The following GLRB variants were observed in gnomAD, a reference collection of about 807,000 sequenced individuals.
GLRB encodes glycine receptor subunit beta.
In GLRB, 33 loss-of-function variants were observed where a neutral mutation model predicts 54.2. The observed-to-expected ratio is 0.61, with a 90% CI of 0.46 to 0.81. The LOEUF (loss-of-function observed/expected upper bound fraction) is 0.81. Ranked by LOEUF, GLRB falls within the 40% of genes least tolerant of loss-of-function variation. GLRB has a pLI of 0.00. For missense variants in GLRB, 572 were observed against 584.6 expected, an observed-to-expected ratio of 0.98 and a Z score of 0.22; for synonymous variants, 209 against 208.2, an observed-to-expected ratio of 1.00 and a Z score of -0.03.
intron 9 of GLRB, among the ~76,000 whole-genome samples, chr4:157,161,513 T>C (rs578209604): frequency 6.6e-6 from 1 of 152,306 alleles, no homozygotes; most frequent in African/African-American, 2.4e-5. Flanking sequence ...GGAGCTCTTT[T>C]AGGGCAGGCC....
intron 4 of GLRB, among the ~76,000 whole-genome samples, chr4:157,127,597 G>A (rs1236125959): frequency 1.3e-5 from 2 of 151,840 alleles, no homozygotes; most frequent in Non-Finnish European, 1.5e-5. Flanking sequence ...GAGATCGGGG[G>A]AGAGTATCCC....
intron 8 of GLRB, among the ~76,000 whole-genome samples, chr4:157,148,050 A>C (rs1579240025): frequency 2.6e-5 from 4 of 152,208 alleles, no homozygotes; most frequent in African/African-American, 9.6e-5. Flanking sequence ...GAGTATATGG[A>C]CACAAAGGGA....
rs200253694 is a variant in GLRB at position 157,136,671 on chromosome 4, G to A, written c.500G>A (p.Arg167His). 109 of 1,609,432 alleles carry A rather than the reference G, an allele frequency of 6.8e-5. No individual in the cohort carries two copies. Among genetic ancestry groups the A allele is most frequent in the South Asian group, 3.5e-4 (32 of 90,976 alleles). ...GAAAACATCCTCCTCTTTATTTTTC[G>A]TGATGGAGATGTCCTTGTCAGCATG... The part of the protein sequence containing the change: ...TQENILLFIF[R>H]DGDVLVSMRL... The change falls in exon 5 of 10, where the codon CGT becomes CAT. Residue 167 changes from arginine (R) to histidine (H), a missense_variant. By Grantham distance (29) the Arg-to-His change is conservative. Coordinates refer to ENST00000264428, the MANE Select transcript of GLRB (RefSeq NM_000824.5).
Position 157,099,999 on chromosome 4 carries a change from T to A in GLRB, c.123-20557T>A, listed in dbSNP as rs80283618. Reference sequence around the variant, plus strand: ...CCTACTTTAAAAAATGTTGATTTTCTTATTAACATGTAGGCGTTCTTTATA... The same window carrying A: ...CCTACTTTAAAAAATGTTGATTTTCATATTAACATGTAGGCGTTCTTTATA... On this transcript the variant is annotated intron_variant, in intron 2 of 9. Coordinates refer to ENST00000264428, the MANE Select transcript of GLRB (RefSeq NM_000824.5). Among the ~76,000 whole-genome samples, 116 of 152,328 alleles carry A rather than the reference T, an allele frequency of 7.6e-4. 1 individual carries two copies. Among genetic ancestry groups the A allele is most frequent in the Admixed American group, 1.9e-3 (29 of 15,306 alleles).
Position 157,170,612 on chromosome 4 carries a change from C to T in GLRB, c.1378C>T (p.Pro460Ser), listed in dbSNP as rs755007714. The T allele has an allele frequency of 1.2e-6, 2 of 1,612,756 alleles. No individual in the cohort carries two copies. Among genetic ancestry groups the T allele is most frequent in the African/African-American group, 1.3e-5 (1 of 74,974 alleles). ...KSQAKNNKKP[P>S]PAKPVIPTAA... ...TCAGGCTAAGAACAACAAGAAGCCT[C>T]CCCCTGCGAAACCTGTTATTCCAAC... Residue 460 changes from proline to serine, a missense_variant, in exon 10 of 10, where the codon CCC becomes TCC. By Grantham distance (74) the Pro-to-Ser change is moderately conservative (BLOSUM62 -1). Transcript: ENST00000264428.
intron 1 of GLRB, among the ~76,000 whole-genome samples, chr4:157,077,143 TTCTC>T (rs1734068843): frequency 6.6e-6 from 1 of 152,180 alleles, no homozygotes; most frequent in Non-Finnish European, 1.5e-5. Flanking sequence ...GAGTTTGAAC[TTCTC>T]TAGTGTAGGT....
intron 2 of GLRB, among the ~76,000 whole-genome samples, chr4:157,092,480 A>G (rs1191781708): frequency 6.6e-6 from 1 of 152,218 alleles, no homozygotes; most frequent in African/African-American, 2.4e-5. Flanking sequence ...TTGCATGTTT[A>G]CTATTACTCT....
intron 4 of GLRB, among the ~76,000 whole-genome samples, chr4:157,133,880 G>A (rs1736304577): frequency 6.6e-6 from 1 of 151,890 alleles, no homozygotes; most frequent in South Asian, 2.1e-4. Flanking sequence ...AACTTCACAT[G>A]GAGAAACACT....
intron 9 of GLRB, among the ~76,000 whole-genome samples, chr4:157,158,523 G>A (rs1266776117): frequency 2.0e-5 from 3 of 152,150 alleles, no homozygotes; most frequent in Non-Finnish European, 4.4e-5. Context: ...GTGTAAGGAA[G>A]GGATCCAGTT....
chr4:157,156,800 T>C (rs1737245568), intron 9 of GLRB, among the ~76,000 whole-genome samples: 1 of 152,376 alleles, frequency 6.6e-6, no homozygotes, highest in African/African-American at 2.4e-5. Flanking sequence ...GTTTGAAATC[T>C]TTTGTTATAC....
intron 2 of GLRB, among the ~76,000 whole-genome samples, chr4:157,108,951 T>C (rs969269831): frequency 3.3e-5 from 5 of 152,100 alleles, no homozygotes; most frequent in African/African-American, 1.2e-4. Context: ...GGCAAGACTC[T>C]TTTATCAGCA....
At position 157,170,474 on chromosome 4, in the gene GLRB, G is replaced by C; in HGVS notation, c.1240G>C (p.Asp414His). 6.2e-7 allele frequency: 1 copy of C among 1,608,504 alleles called. No individual in the cohort carries two copies. Among genetic ancestry groups the C allele is most frequent in the Non-Finnish European group, 8.5e-7 (1 of 1,175,150 alleles). ...RCKKVCTSKS[D>H]LRSNDFSIVG... The stretch of plus-strand genomic sequence containing the variant: ...CAAAAAAGTTTGTACTTCTAAGTCT[G>C]ATCTGAGATCTAATGACTTCAGCAT... Residue 414 changes from aspartate (D) to histidine (H), a missense_variant, in exon 10 of 10, where the codon GAT becomes CAT. By Grantham distance (81) the Asp-to-His change is moderately conservative. Transcript: ENST00000264428.
chr4:157,164,618 T>C (rs1737642227), intron 9 of GLRB, among the ~76,000 whole-genome samples: 1 of 152,148 alleles, frequency 6.6e-6, no homozygotes, highest in Non-Finnish European at 1.5e-5. Flanking sequence ...ACAATACTAA[T>C]AAGCAATTAA....
intron 9 of GLRB, 58 bp from the exon 10 acceptor site, chr4:157,170,374 A>G: frequency 1.0e-6 from 1 of 962,788 alleles, no homozygotes; most frequent in Non-Finnish European, 1.7e-6. Context: ...TCGTTTGAAG[A>G]GATGTGTTTC....
chr4:157,167,167 A>C (rs1207769400), intron 9 of GLRB, among the ~76,000 whole-genome samples: 2 of 152,202 alleles, frequency 1.3e-5, no homozygotes, highest in African/African-American at 4.8e-5. Flanking sequence ...TAATGAGTAC[A>C]TCTAAAGCCT....
chr4:157,153,454 A>G (rs1288039142), intron 9 of GLRB, among the ~76,000 whole-genome samples: 6 of 152,174 alleles, frequency 3.9e-5, no homozygotes, highest in South Asian at 2.1e-4. Context: ...TAAATCACCC[A>G]CCATTCCCCA....
At chr4:157,156,520 A>G (rs1027912689) in intron 9 of GLRB, among the ~76,000 whole-genome samples, 1 of 152,110 alleles carries the variant, frequency 6.6e-6, no homozygotes, top group Non-Finnish European at 1.5e-5. Flanking sequence ...TCTAATTCAG[A>G]CGCCCTTTAT....
chr4:157,095,305 C>CAAAAAA (rs59570434), intron 2 of GLRB, among the ~76,000 whole-genome samples: 1 of 79,222 alleles, frequency 1.3e-5, no homozygotes, highest in Non-Finnish European at 2.4e-5. Flanking sequence ...TGTGCCTGAG[C>CAAAAAA]AAAAAAAAAA....
chr4:157,123,250 T>C (rs1735899142), intron 4 of GLRB, among the ~76,000 whole-genome samples: 1 of 151,722 alleles, frequency 6.6e-6, no homozygotes, highest in Non-Finnish European at 1.5e-5. Context: ...TTATTAAATA[T>C]AAGATTTTGA....
Sources: gnomAD v4.1 joint callset for allele counts (sites outside exome capture counted in the v4.1 genomes callset) on GRCh38, gnomAD v4.1.1 for gene constraint, MANE v1.5 for transcripts, NCBI Gene and HGNC (gene_info 2026-07-23, HGNC 2026-07-21) for gene names.